The following NEO1 variants were observed in gnomAD, a reference collection of about 807,000 sequenced individuals.
NEO1 encodes the protein neogenin 1, also known as neogenin.
NEO1 carries 63 observed loss-of-function variants against 159.7 expected under a neutral mutation model. The ratio of observed to expected loss-of-function variants is 0.39; its 90% CI spans 0.32 to 0.49. NEO1 has a LOEUF of 0.49. Ranked by LOEUF, NEO1 falls within the 20% of genes least tolerant of loss-of-function variation. The pLI, the probability that NEO1 is intolerant of heterozygous loss-of-function variation, is 0.85. For synonymous variants in NEO1, 633 were observed against 662.0 expected (o/e 0.96, Z 0.67); for missense variants, 1,615 against 1,831.0 (o/e 0.88, Z 2.15).
chr15:73,193,157 T>C (rs1281305346), intron 7 of NEO1, among the ~76,000 whole-genome samples: 2 of 152,140 alleles, frequency 1.3e-5, no homozygotes, highest in African/African-American at 4.8e-5. Flanking sequence ...GTATAATTTA[T>C]TAAAATTTTA....
intron 1 of NEO1, among the ~76,000 whole-genome samples, chr15:73,061,096 A>G (rs74022129): frequency 3.9e-5 from 6 of 152,344 alleles, no homozygotes; most frequent in African/African-American, 1.2e-4. Context: ...TTCAGAGCCT[A>G]TCTTTAATTC....
At chr15:73,140,065 G>A (rs569831745) in intron 5 of NEO1, among the ~76,000 whole-genome samples, 17 of 152,176 alleles carry the variant, frequency 1.1e-4, no homozygotes, top group Admixed American at 5.2e-4. Flanking sequence ...AGTGGTTGTC[G>A]TTATTAGTCT....
In NEO1 at chr15:73,232,361, A is replaced by G. The variant is rs187754187; in HGVS notation, c.1292-3986A>G. On this transcript the variant is annotated intron_variant, in intron 7 of 28. Transcript: ENST00000261908. ...TGTTTAGATTTTGCCCTGTGTCTGT[A>G]TAGATTAGTGCTGAACCAAAGATTA... 3.9e-5 allele frequency among the ~76,000 whole-genome samples: 6 copies of G among 152,288 alleles called. No individual in the cohort carries two copies. The East Asian group carries it at 7.7e-4, about 20-fold the overall frequency.
At chr15:73,214,638 A>AT (rs949975341) in intron 7 of NEO1, among the ~76,000 whole-genome samples, 14 of 152,112 alleles carry the variant, frequency 9.2e-5, no homozygotes, top group East Asian at 1.9e-4. Flanking sequence ...CTGTGTGCCT[A>AT]TTTTTTTAGC....
intron 15 of NEO1, among the ~76,000 whole-genome samples, chr15:73,261,368 A>G (rs960057803): frequency 6.6e-6 from 1 of 152,158 alleles, no homozygotes; most frequent in Non-Finnish European, 1.5e-5. Context: ...CAGTAAAATG[A>G]TTTTGGAAAC....
At chr15:73,131,188 A>C (rs942708906) in intron 4 of NEO1, among the ~76,000 whole-genome samples, 16 of 152,232 alleles carry the variant, frequency 1.1e-4, no homozygotes, top group African/African-American at 2.9e-4. Context: ...AATGTAATGC[A>C]TCATGCCAAG....
chr15:73,260,303 C>T lies in NEO1; in HGVS notation c.2236C>T (p.His746Tyr), dbSNP rs1207868516. 1 of 1,613,776 alleles carries T rather than the reference C, an allele frequency of 6.2e-7. No homozygotes were observed. Among genetic ancestry groups the T allele is most frequent in the African/African-American group, 1.3e-5 (1 of 74,926 alleles). Residue 746 changes from histidine to tyrosine, a missense_variant, in exon 15 of 29, where the codon CAC becomes TAC. By Grantham distance (83) the His-to-Tyr change is moderately conservative (BLOSUM62 2). Transcript: ENST00000261908. The part of the protein sequence containing the change: ...TRVPEVPSSL[H>Y]VRPLVTSIVV... ...TGTTCCTGAAGTGCCTAGCTCTCTTCACGTACGCCCGCTCGTTACTAGCAT... is the reference window on the plus strand; with the variant it reads ...TGTTCCTGAAGTGCCTAGCTCTCTTTACGTACGCCCGCTCGTTACTAGCAT...
intron 7 of NEO1, among the ~76,000 whole-genome samples, chr15:73,180,957 T>A (rs1367125637): frequency 2.6e-5 from 4 of 152,170 alleles, no homozygotes; most frequent in Non-Finnish European, 5.9e-5. Flanking sequence ...TGAGCTCTTC[T>A]TTTTTAGAGT....
In NEO1 at chr15:73,297,079, T is replaced by C. The variant is rs1377514534; in HGVS notation, c.3902-1269T>C. Among the ~76,000 whole-genome samples the C allele has an allele frequency of 2.6e-5, 4 of 152,164 alleles. No individual in the cohort carries two copies. In the South Asian group the frequency reaches 6.2e-4, roughly 24 times the overall value. ...CTGAGCTGTGTCCCCATCCCTCTCC[T>C]CACAGGTGGGGAAGCTGGTCACCAG... On this transcript the variant is annotated intron_variant, in intron 26 of 28. Coordinates refer to ENST00000261908, the MANE Select transcript of NEO1 (RefSeq NM_002499.4).
intron 1 of NEO1, among the ~76,000 whole-genome samples, chr15:73,061,066 C>T (rs894085978): frequency 6.6e-6 from 1 of 152,186 alleles, no homozygotes; most frequent in Non-Finnish European, 1.5e-5. Flanking sequence ...ATGCATTTCT[C>T]CGAGTCCCAA....
intron 1 of NEO1, among the ~76,000 whole-genome samples, chr15:73,067,551 G>A (rs924211754): frequency 1.3e-5 from 2 of 150,902 alleles, no homozygotes; most frequent in South Asian, 2.1e-4. Context: ...CCGGGTTCAC[G>A]CCTTTCTCCT....
intron 8 of NEO1, among the ~76,000 whole-genome samples, chr15:73,239,747 T>G (rs909372097): frequency 6.6e-6 from 1 of 152,218 alleles, no homozygotes; most frequent in Non-Finnish European, 1.5e-5. Context: ...TTCTGTGATG[T>G]TCACACGATG....
At chr15:73,112,233 A>G (rs1261003639) in intron 1 of NEO1, among the ~76,000 whole-genome samples, 1 of 152,080 alleles carries the variant, frequency 6.6e-6, no homozygotes, top group Non-Finnish European at 1.5e-5. Flanking sequence ...ATTCTAAGGC[A>G]AGGATCAGCA....
At chr15:73,208,383 TGGTTATCTTTACA>T (rs1421166812) in intron 7 of NEO1, among the ~76,000 whole-genome samples, 1 of 152,244 alleles carries the variant, frequency 6.6e-6, no homozygotes, top group Non-Finnish European at 1.5e-5. Flanking sequence ...ACCTGTACAG[TGGTTATCTTTACA>T]GTAATCCTTA....
chr15:73,153,603 A>G (rs762909330), intron 5 of NEO1, among the ~76,000 whole-genome samples: 21 of 152,230 alleles, frequency 1.4e-4, no homozygotes, highest in Non-Finnish European at 2.9e-4. Context: ...GAAAGTCGTT[A>G]TTGTCAGCCC....
chr15:73,158,456 T>C (rs2033943405), intron 5 of NEO1, among the ~76,000 whole-genome samples: 1 of 152,036 alleles, frequency 6.6e-6, no homozygotes, highest in Non-Finnish European at 1.5e-5. Context: ...TGGAGTGCAG[T>C]GTGTGGTCAT....
intron 2 of NEO1, among the ~76,000 whole-genome samples, chr15:73,118,835 T>C (rs182123496): frequency 3.3e-4 from 50 of 152,358 alleles, no homozygotes; most frequent in African/African-American, 1.2e-3. Context: ...TGTCTAGATA[T>C]ACATACTGTG....
chr15:73,265,060 AGCATAGGGAGC>A (rs1282999614), intron 15 of NEO1, among the ~76,000 whole-genome samples: 1 of 152,176 alleles, frequency 6.6e-6, no homozygotes, highest in Non-Finnish European at 1.5e-5. Flanking sequence ...ATGTGACCCC[AGCATAGGGAGC>A]AGCTGCAAGC....
At chr15:73,126,661 A>G in intron 4 of NEO1, 91 bp downstream of exon 4, 1 of 1,229,436 alleles carries the variant, frequency 8.1e-7, no homozygotes, top group Non-Finnish European at 1.1e-6. Context: ...TAAAAAGATT[A>G]TCAACTTTAT....
Sources: gnomAD v4.1 joint callset for allele counts (sites outside exome capture counted in the v4.1 genomes callset) on GRCh38, gnomAD v4.1.1 for gene constraint, MANE v1.5 for transcripts, NCBI Gene and HGNC (gene_info 2026-07-23, HGNC 2026-07-21) for gene names.